CHIC2: variants seen among roughly 807,000 people sequenced by gnomAD.
CHIC2 encodes the protein cysteine rich hydrophobic domain 2.
CHIC2 carries 14 observed loss-of-function variants against 25.9 expected under a neutral mutation model. The observed-to-expected ratio is 0.54, with a 90% CI of 0.36 to 0.85. CHIC2 has a LOEUF of 0.85. Ranked by LOEUF, CHIC2 falls within the 40% of genes least tolerant of loss-of-function variation. CHIC2 has a pLI of 0.01. For synonymous variants in CHIC2, 70 were observed against 72.0 expected (o/e 0.97, Z 0.14); for missense variants, 146 against 202.0 (o/e 0.72, Z 1.68).
At chr4:54,011,420 A>G (rs1249495136) in intron 5 of CHIC2, among the ~76,000 whole-genome samples, 1 of 152,136 alleles carries the variant, frequency 6.6e-6, no homozygotes, top group African/African-American at 2.4e-5. Context: ...TAGCTTCTTC[A>G]TTTGAGCTAG....
At chr4:54,032,941 G>T (rs1260728258) in intron 3 of CHIC2, among the ~76,000 whole-genome samples, 3 of 152,200 alleles carry the variant, frequency 2.0e-5, no homozygotes, top group African/African-American at 7.2e-5. Flanking sequence ...CATGGGGGCA[G>T]ATAACTTCAC....
rs1368496564 is a variant in CHIC2 at position 54,014,136 on chromosome 4, A to G, written c.331-17T>C. On this transcript the variant is annotated splice_polypyrimidine_tract_variant and intron_variant, in intron 3 of 5. Transcript: ENST00000263921. The stretch of plus-strand genomic sequence containing the variant: ...TCTTCGTGTCTGGAAGACAAATGAG[A>G]AAAAAGTTTACTCTTGACTGGTTTT... 3.1e-6 allele frequency: 5 copies of G among 1,611,676 alleles called. No individual in the cohort carries two copies. Among genetic ancestry groups the G allele is most frequent in the Non-Finnish European group, 4.2e-6 (5 of 1,178,734 alleles).
At chr4:54,056,660 G>T (rs777990423) in intron 1 of CHIC2, among the ~76,000 whole-genome samples, 2 of 152,020 alleles carry the variant, frequency 1.3e-5, no homozygotes, top group African/African-American at 2.4e-5. Flanking sequence ...ACAAAGTTAG[G>T]TTACCTTCAA....
chr4:54,025,725 G>A (rs1716038430), intron 3 of CHIC2, among the ~76,000 whole-genome samples: 1 of 151,940 alleles, frequency 6.6e-6, no homozygotes, highest in Admixed American at 6.6e-5. Flanking sequence ...CAGGTGTGAT[G>A]GTGCTGCACA....
chr4:54,086,984 A>G, the CHIC2 span: 1 of 840,684 alleles, frequency 1.2e-6, no homozygotes, highest in East Asian at 2.6e-5. Context: ...GAAGAAGACA[A>G]CTTCAAAAAA....
intron 3 of CHIC2, among the ~76,000 whole-genome samples, chr4:54,028,362 A>G (rs934321564): frequency 2.0e-5 from 3 of 152,188 alleles, no homozygotes; most frequent in Non-Finnish European, 4.4e-5. Flanking sequence ...AAAGCATGAA[A>G]TTTTGAGCTG....
chr4:54,083,560 C>G, the CHIC2 span, among the ~76,000 whole-genome samples: 5 of 152,166 alleles, frequency 3.3e-5, no homozygotes, highest in Admixed American at 3.3e-4. Flanking sequence ...GCTAGAAACC[C>G]AAGTCCCCAC....
intron 1 of CHIC2, 45 bp from the exon 2 acceptor site, chr4:54,049,350 G>A (rs780655687): frequency 1.5e-6 from 2 of 1,293,896 alleles, no homozygotes; most frequent in Admixed American, 2.0e-5. Flanking sequence ...TGTTATTGTT[G>A]CCAAAAATGT....
At chr4:54,043,037 G>A (rs546996220) in intron 3 of CHIC2, among the ~76,000 whole-genome samples, 7 of 152,214 alleles carry the variant, frequency 4.6e-5, no homozygotes, top group Admixed American at 3.9e-4. Context: ...TTGGCTGGGT[G>A]CAGTGGCTCA....
intron 3 of CHIC2, among the ~76,000 whole-genome samples, chr4:54,045,475 G>T (rs1358553338): frequency 6.6e-6 from 1 of 152,070 alleles, no homozygotes; most frequent in Non-Finnish European, 1.5e-5. Context: ...TTCATCCCTG[G>T]GATGCAAGGC....
chr4:54,063,110 G>C (rs1182208719), intron 1 of CHIC2, among the ~76,000 whole-genome samples: 1 of 152,188 alleles, frequency 6.6e-6, no homozygotes, highest in Admixed American at 6.5e-5. Flanking sequence ...TATATGAGAA[G>C]TCTTACTGTT....
intron 3 of CHIC2, among the ~76,000 whole-genome samples, chr4:54,026,295 G>A (rs962606496): frequency 6.6e-6 from 1 of 152,006 alleles, no homozygotes; most frequent in Non-Finnish European, 1.5e-5. Flanking sequence ...GGAGGTGGAT[G>A]GATCACTTGA....
chr4:54,077,989 T>G, the CHIC2 span, among the ~76,000 whole-genome samples: 1 of 152,198 alleles, frequency 6.6e-6, no homozygotes, highest in Non-Finnish European at 1.5e-5. Flanking sequence ...TTTAGATGCT[T>G]TAGGAATGAT....
chr4:54,037,221 C>T (rs1055442888), intron 3 of CHIC2, among the ~76,000 whole-genome samples: 8 of 151,856 alleles, frequency 5.3e-5, no homozygotes, highest in Non-Finnish European at 1.2e-4. Context: ...TGGTGATGCG[C>T]ACCTGTGGCC....
At chr4:54,039,789 G>A (rs957599882) in intron 3 of CHIC2, among the ~76,000 whole-genome samples, 1 of 152,160 alleles carries the variant, frequency 6.6e-6, no homozygotes, top group Non-Finnish European at 1.5e-5. Context: ...TGGAAAGTCA[G>A]TGTCTTCAAC....
At chr4:54,067,575 C>T (rs947667194), upstream of CHIC2, among the ~76,000 whole-genome samples, 3 of 152,172 alleles carry the variant, frequency 2.0e-5, no homozygotes, top group Non-Finnish European at 2.9e-5. Flanking sequence ...CAGGTACTCA[C>T]TTGCACCCTG....
At chr4:54,033,449 G>A (rs1348527793) in intron 3 of CHIC2, among the ~76,000 whole-genome samples, 1 of 152,094 alleles carries the variant, frequency 6.6e-6, no homozygotes, top group Non-Finnish European at 1.5e-5. Flanking sequence ...AAAAGTATCT[G>A]CTTTGCAAAG....
rs560932191 is a variant in CHIC2, at chr4:54,036,511, G to C, written c.330+12444C>G. Among the ~76,000 whole-genome samples, 20 of 152,148 alleles carry C rather than the reference G, an allele frequency of 1.3e-4. No homozygotes were observed. In the South Asian group the frequency reaches 4.1e-3, roughly 32 times the overall value. On this transcript the variant is annotated intron_variant, in intron 3 of 5. Transcript: ENST00000263921. ...AGGTGCCACACACTTTTAAAAAACC[G>C]GATCTTGAGAGAACTCAGCACCAAC...
the CHIC2 span, among the ~76,000 whole-genome samples, chr4:54,072,735 C>T: frequency 6.6e-6 from 1 of 152,212 alleles, no homozygotes; most frequent in African/African-American, 2.4e-5. Context: ...TGAGGACACA[C>T]AAAACAAGTC....
Sources: allele counts gnomAD v4.1 joint callset (sites outside exome capture counted in the v4.1 genomes callset), GRCh38; gene constraint gnomAD v4.1.1; transcripts MANE v1.5; gene names NCBI Gene and HGNC (gene_info 2026-07-23, HGNC 2026-07-21).